The following PDZD2 variants were observed in gnomAD, a reference collection of about 807,000 sequenced individuals.
PDZD2 encodes PDZ domain containing 2.
A neutral mutation model predicts 220.7 loss-of-function variants in PDZD2; 90 were observed. That is an observed-to-expected ratio of 0.41 (90% CI 0.34 to 0.49). The LOEUF is 0.49. Ranked by LOEUF, PDZD2 falls within the 20% of genes least tolerant of loss-of-function variation. The pLI, the probability that PDZD2 is intolerant of heterozygous loss-of-function variation, is 0.28. For missense variants in PDZD2, 3,174 were observed against 3,608.5 expected (o/e 0.88, Z 3.08); for synonymous variants, 1,375 against 1,450.5 (o/e 0.95, Z 1.18).
intron 6 of PDZD2, among the ~76,000 whole-genome samples, chr5:32,014,728 T>TGAGA (rs1753627161): frequency 2.1e-5 from 1 of 47,776 alleles, no homozygotes; most frequent in African/African-American, 5.1e-5. Flanking sequence ...TTTTTTTTTT[T>TGAGA]TTTTTTGAGA....
intron 8 of PDZD2, among the ~76,000 whole-genome samples, chr5:32,051,479 G>A (rs1051493935): frequency 6.6e-6 from 1 of 152,184 alleles, no homozygotes; most frequent in Admixed American, 6.5e-5. Flanking sequence ...GTTTTGCGAT[G>A]TCTCTTTTCT....
At chr5:32,077,293 C>T (rs1741387461) in intron 18 of PDZD2, among the ~76,000 whole-genome samples, 169 bp from the exon 19 acceptor site, 1 of 152,142 alleles carries the variant, frequency 6.6e-6, no homozygotes, top group Non-Finnish European at 1.5e-5. Context: ...AATGATATGA[C>T]CATTTAATTC....
chr5:32,098,356 C>G lies in PDZD2; in HGVS notation c.7948-8C>G, dbSNP rs753781135. 1 of 1,612,074 alleles carries G rather than the reference C, an allele frequency of 6.2e-7. No homozygotes were observed. The highest frequency in any genetic ancestry group is 8.5e-7 in the Non-Finnish European group (1 of 1,178,878). ...GGTTTTTGTTCCCTTTTCCTTTCCTCATCCCAGGTCCACAGGGTGTTTTCT... is the reference window on the plus strand; with the variant it reads ...GGTTTTTGTTCCCTTTTCCTTTCCTGATCCCAGGTCCACAGGGTGTTTTCT... On this transcript the variant is annotated splice_region_variant and splice_polypyrimidine_tract_variant and intron_variant, in intron 22 of 24. Transcript: ENST00000438447. The surrounding 1 kb of genome is among the most constrained non-coding windows in gnomAD (Gnocchi z 4.1).
intron 4 of PDZD2, among the ~76,000 whole-genome samples, chr5:31,999,819 C>A (rs1751957580): frequency 6.6e-6 from 1 of 152,190 alleles, no homozygotes; most frequent in Non-Finnish European, 1.5e-5. Context: ...ACTCGACTCT[C>A]CTCAAACCTT....
intron 8 of PDZD2, among the ~76,000 whole-genome samples, chr5:32,049,160 AG>A (rs1270132569): frequency 1.3e-5 from 2 of 152,078 alleles, no homozygotes; most frequent in East Asian, 1.9e-4. Flanking sequence ...GGGGCTGTAG[AG>A]GGGGGCTGCA....
intron 3 of PDZD2, among the ~76,000 whole-genome samples, chr5:31,993,370 G>A (rs530481184): frequency 2.2e-4 from 33 of 152,276 alleles, no homozygotes; most frequent in Middle Eastern, 3.4e-3. Context: ...GAGCCCCACC[G>A]AACAGCACGC....
chr5:32,053,134 T>C (rs1738747213), intron 9 of PDZD2, among the ~76,000 whole-genome samples: 1 of 152,228 alleles, frequency 6.6e-6, no homozygotes, highest in African/African-American at 2.4e-5. Flanking sequence ...ATGCCCTCTT[T>C]GCTCCTACGA....
chr5:31,913,436 T>A (rs542946145), intron 2 of PDZD2, among the ~76,000 whole-genome samples: 1 of 152,278 alleles, frequency 6.6e-6, no homozygotes, highest in East Asian at 1.9e-4. Context: ...GCAAATTGAA[T>A]TCATATCTCT....
chr5:31,798,378 C>T (rs1754168880), intron 1 of PDZD2, among the ~76,000 whole-genome samples: 1 of 152,150 alleles, frequency 6.6e-6, no homozygotes. Context: ...GGGACGGAGG[C>T]GGGATCTCTC....
chr5:31,789,968 G>A (rs569025566), intron 1 of PDZD2, among the ~76,000 whole-genome samples: 71 of 152,214 alleles, frequency 4.7e-4, no homozygotes, highest in East Asian at 1.9e-4. Flanking sequence ...GGAAAATATC[G>A]TGGTCACTGT....
intron 1 of PDZD2, among the ~76,000 whole-genome samples, chr5:31,713,569 A>G (rs1282171563): frequency 6.6e-6 from 1 of 152,198 alleles, no homozygotes; most frequent in Non-Finnish European, 1.5e-5. Flanking sequence ...TACATCCGTC[A>G]TGAATGGCTT....
At chr5:31,790,969 A>AT (rs1561462209) in intron 1 of PDZD2, among the ~76,000 whole-genome samples, 1 of 151,744 alleles carries the variant, frequency 6.6e-6, no homozygotes, top group Non-Finnish European at 1.5e-5. Context: ...AAGTGCTGGG[A>AT]TTACAGGCAT....
chr5:31,827,714 A>G (rs1756315816), intron 2 of PDZD2, among the ~76,000 whole-genome samples: 4 of 151,724 alleles, frequency 2.6e-5, no homozygotes, highest in Non-Finnish European at 4.4e-5. Flanking sequence ...TAAATAAAAA[A>G]ATAAAAATAA....
At chr5:32,011,045 A>G (rs1253001196) in intron 6 of PDZD2, among the ~76,000 whole-genome samples, 1 of 149,868 alleles carries the variant, frequency 6.7e-6, no homozygotes, top group East Asian at 2.0e-4. Flanking sequence ...CAACAACTGG[A>G]TATTGAGTTC....
intron 18 of PDZD2, among the ~76,000 whole-genome samples, chr5:32,074,914 G>A (rs1053748478): frequency 5.3e-5 from 8 of 151,938 alleles, no homozygotes; most frequent in East Asian, 1.9e-4. Flanking sequence ...AGGTTCAAGC[G>A]ATTGTCCTGT....
chr5:31,679,805 C>T (rs1038053845), intron 1 of PDZD2, among the ~76,000 whole-genome samples: 4 of 152,212 alleles, frequency 2.6e-5, no homozygotes, highest in African/African-American at 9.6e-5. Flanking sequence ...GCCACCATGC[C>T]TGGCCTGAAT....
intron 2 of PDZD2, among the ~76,000 whole-genome samples, chr5:31,942,335 G>A (rs751504840): frequency 2.0e-5 from 3 of 152,152 alleles, no homozygotes; most frequent in Non-Finnish European, 4.4e-5. Flanking sequence ...ACCAAACCTA[G>A]ATAAAGAGAA....
rs147724404 is a variant in PDZD2 at position 31,845,509 on chromosome 5, T to C, written c.476+45785T>C. ...GATGTGAGCACTCAGAAGAGAGAGC[T>C]AACAGTGGGAGGGAAGTCAGGGAAC... is the stretch of plus-strand genomic sequence containing the variant. On this transcript the variant is annotated intron_variant, in intron 2 of 24. Transcript: ENST00000438447. Among the ~76,000 whole-genome samples, 174 of 152,336 alleles carry C rather than the reference T, an allele frequency of 1.1e-3. 1 individual carries two copies. The highest frequency in any genetic ancestry group is 3.8e-3 in the African/African-American group (157 of 41,580).
intron 2 of PDZD2, among the ~76,000 whole-genome samples, chr5:31,885,868 C>T (rs7726832): frequency 0.016 from 2,431 of 151,106 alleles, 65 homozygotes; most frequent in African/African-American, 0.054. Context: ...AAGCATTATC[C>T]GTATAGTTTG....
Sources: gnomAD v4.1 joint callset for allele counts (sites outside exome capture counted in the v4.1 genomes callset) on GRCh38, gnomAD v4.1.1 for gene constraint, Gnocchi (gnomAD v3.1) non-coding constraint, MANE v1.5 for transcripts, NCBI Gene and HGNC (gene_info 2026-07-23, HGNC 2026-07-21) for gene names.